The following PCDHA7 variants were observed in gnomAD, a reference collection of about 807,000 sequenced individuals.
The protein encoded by PCDHA7 is protocadherin alpha 7, also known as protocadherin alpha-7.
A neutral mutation model predicts 57.2 loss-of-function variants in PCDHA7; 37 were observed. That is an observed-to-expected ratio of 0.65 (90% CI 0.50 to 0.85). The LOEUF (loss-of-function observed/expected upper bound fraction) is 0.85, where lower values mean the gene tolerates loss of function less well. PCDHA7 is among the 40% of genes least tolerant of loss of function. The probability of loss-of-function intolerance (pLI) is 0.00; values close to 1 mark genes in which losing one functional copy is unlikely to be tolerated. For synonymous variants in PCDHA7, 553 were observed against 558.8 expected (o/e 0.99, Z 0.15); for missense variants, 1,188 against 1,241.8 (o/e 0.96, Z 0.65).
intron 1 of PCDHA7, chr5:140,928,535 G>A (rs1554205968): frequency 2.5e-6 from 4 of 1,614,224 alleles, no homozygotes; most frequent in East Asian, 2.2e-5. Context: ...GTGGTAGATA[G>A]GAATGACAAT....
chr5:140,887,722 T>C (rs1214089693), intron 1 of PCDHA7, among the ~76,000 whole-genome samples: 2 of 152,200 alleles, frequency 1.3e-5, no homozygotes, highest in Non-Finnish European at 2.9e-5. Context: ...AATAGTTTTT[T>C]CTTTCCTTCC....
intron 2 of PCDHA7, among the ~76,000 whole-genome samples, chr5:140,980,367 C>A (rs1245361324): frequency 2.6e-5 from 4 of 152,174 alleles, no homozygotes; most frequent in Non-Finnish European, 5.9e-5. Flanking sequence ...CGCGGTGGCT[C>A]ACACCTGTAA....
intron 1 of PCDHA7, chr5:140,876,169 C>T (rs782706242): frequency 3.1e-6 from 5 of 1,613,798 alleles, no homozygotes; most frequent in Non-Finnish European, 4.2e-6. Context: ...AATAACCGTC[C>T]TGGATGTGAA....
At chr5:141,005,199 C>T (rs2098200928) in intron 3 of PCDHA7, among the ~76,000 whole-genome samples, 1 of 152,208 alleles carries the variant, frequency 6.6e-6, no homozygotes, top group African/African-American at 2.4e-5. Flanking sequence ...TCCTTTCATT[C>T]ATTCATCCAG....
chr5:140,859,512 T>A, intron 1 of PCDHA7: 1 of 196,766 alleles, frequency 5.1e-6, no homozygotes, highest in South Asian at 1.4e-4. Context: ...TACCCATGAT[T>A]TCATTTTTAA....
At chr5:140,873,395 C>T (rs1376459228) in intron 1 of PCDHA7, among the ~76,000 whole-genome samples, 1 of 152,094 alleles carries the variant, frequency 6.6e-6, no homozygotes, top group African/African-American at 2.4e-5. Context: ...GGAATGTTTT[C>T]AGTACAGGTT....
At chr5:140,957,556 A>G (rs1364343526) in intron 1 of PCDHA7, among the ~76,000 whole-genome samples, 1 of 152,150 alleles carries the variant, frequency 6.6e-6, no homozygotes, top group African/African-American at 2.4e-5. Flanking sequence ...TCTCTGTGGA[A>G]AAGGAGGGAC....
chr5:140,887,140 A>T (rs1414836088), intron 1 of PCDHA7, among the ~76,000 whole-genome samples: 3 of 150,560 alleles, frequency 2.0e-5, no homozygotes, highest in Non-Finnish European at 4.4e-5. Context: ...TCTGTCGCCC[A>T]GGCTGGAGTA....
At chr5:141,001,726 T>G (rs2098034769) in intron 3 of PCDHA7, among the ~76,000 whole-genome samples, 1 of 152,116 alleles carries the variant, frequency 6.6e-6, no homozygotes, top group Admixed American at 6.6e-5. Flanking sequence ...GCTTGAGATA[T>G]TTTACAACCT....
chr5:141,009,650 C>G lies in PCDHA7; in HGVS notation c.2527C>G (p.Pro843Ala). Residue 843 changes from proline to alanine, a missense_variant, in exon 4 of 4, where the codon CCT becomes GCT. Transcript: ENST00000525929. The part of the protein sequence containing the change: ...TPEPEAGEVS[P>A]PVGAGVNSNS... ...AGAACCAGAGGCAGGAGAAGTGTCCCCTCCAGTCGGTGCGGGTGTCAACAG... is the reference window on the plus strand; with the variant it reads ...AGAACCAGAGGCAGGAGAAGTGTCCGCTCCAGTCGGTGCGGGTGTCAACAG... 1 of 1,613,886 alleles carries G rather than the reference C, an allele frequency of 6.2e-7. No individual in the cohort carries two copies. Among genetic ancestry groups the G allele is most frequent in the Non-Finnish European group, 8.5e-7 (1 of 1,179,918 alleles).
At chr5:140,906,753 T>G (rs2072907402) in intron 1 of PCDHA7, among the ~76,000 whole-genome samples, 1 of 152,224 alleles carries the variant, frequency 6.6e-6, no homozygotes, top group Non-Finnish European at 1.5e-5. Context: ...CAGGGCATGG[T>G]AATACTAAGA....
intron 1 of PCDHA7, among the ~76,000 whole-genome samples, chr5:140,905,357 A>G (rs1280254509): frequency 1.3e-5 from 2 of 152,052 alleles, no homozygotes; most frequent in African/African-American, 4.8e-5. Flanking sequence ...GTATTTGACT[A>G]TATTTCTGGT....
intron 1 of PCDHA7, among the ~76,000 whole-genome samples, chr5:140,920,594 C>G (rs1347372573): frequency 1.3e-5 from 2 of 152,176 alleles, no homozygotes; most frequent in Admixed American, 1.3e-4. Flanking sequence ...GCCTGTAATC[C>G]CAGCACTTTG....
chr5:140,869,739 A>G lies in PCDHA7; in HGVS notation c.2355+33001A>G, dbSNP rs541641507. 5 of 1,613,386 alleles carry G rather than the reference A, an allele frequency of 3.1e-6. No individual in the cohort carries two copies. In the South Asian group the frequency reaches 5.5e-5, roughly 18 times the overall value. Reference sequence around the variant, plus strand: ...AAACTCCGGAACTTAATTTGCTGCTAACAGCTACAGACGGGGGAAAACCAG... The same window carrying G: ...AAACTCCGGAACTTAATTTGCTGCTGACAGCTACAGACGGGGGAAAACCAG... On this transcript the variant is annotated intron_variant, in intron 1 of 3. Transcript: ENST00000525929.
Position 140,875,692 on chromosome 5 carries a change from C to G in PCDHA7, c.2355+38954C>G, listed in dbSNP as rs781893034. On this transcript the variant is annotated intron_variant, in intron 1 of 3. Coordinates refer to ENST00000525929, the MANE Select transcript of PCDHA7 (RefSeq NM_018910.3). ...GGTGGCGTCCAAAAGACACGGGGAC[C>G]TTCTGGAGGTAAATCTGCAGAATGG... The G allele has an allele frequency of 3.7e-6, 6 of 1,613,938 alleles. No individual in the cohort carries two copies. In the African/African-American group the frequency reaches 5.3e-5, roughly 14 times the overall value.
intron 3 of PCDHA7, among the ~76,000 whole-genome samples, chr5:140,998,072 C>T (rs1554256158): frequency 6.6e-6 from 1 of 152,168 alleles, no homozygotes; most frequent in African/African-American, 2.4e-5. Context: ...CAGACTTAGC[C>T]TCTGCAGTTG....
intron 1 of PCDHA7, among the ~76,000 whole-genome samples, chr5:140,953,290 A>G (rs1554220852): frequency 1.3e-5 from 2 of 152,124 alleles, no homozygotes; most frequent in Admixed American, 6.6e-5. Context: ...TATGTGATTC[A>G]GGGACGGCAG....
chr5:140,835,753 A>C lies in PCDHA7; in HGVS notation c.1370A>C (p.Gln457Pro), dbSNP rs1400734217. The C allele has an allele frequency of 1.9e-6, 3 of 1,613,298 alleles. No homozygotes were observed. The highest frequency in any genetic ancestry group is 3.4e-4 in the Middle Eastern group (2 of 5,846). The change falls in exon 1 of 4, where the codon CAG (glutamine) becomes CCG (proline). Residue 457 changes from glutamine to proline, a missense_variant. Around this residue, in one of 3 missense-constraint regions of PCDHA7, gnomAD observed 892 missense variants for 788.5 expected, o/e 1.13. Transcript: ENST00000525929. ...DVNDNAPAFA[Q>P]PEYTVFVKEN... Reference sequence around the variant, plus strand: ...AACGACAACGCCCCGGCGTTCGCGCAGCCCGAGTATACGGTGTTCGTGAAG... The same window carrying C: ...AACGACAACGCCCCGGCGTTCGCGCCGCCCGAGTATACGGTGTTCGTGAAG...
intron 1 of PCDHA7, among the ~76,000 whole-genome samples, chr5:140,885,682 A>G (rs1367880744): frequency 6.6e-6 from 1 of 152,194 alleles, no homozygotes; most frequent in Non-Finnish European, 1.5e-5. Flanking sequence ...TTCTATCTCA[A>G]GAAGCAATAG....
Sources: allele counts gnomAD v4.1 joint callset (sites outside exome capture counted in the v4.1 genomes callset), GRCh38; gene constraint gnomAD v4.1.1; regional missense constraint gnomAD v4.1.1; transcripts MANE v1.5; gene names NCBI Gene and HGNC (gene_info 2026-07-23, HGNC 2026-07-21).